The following FSHR variants were observed in gnomAD, a reference collection of about 807,000 sequenced individuals.
FSHR encodes the protein follicle-stimulating hormone receptor.
A neutral mutation model predicts 52.1 loss-of-function variants in FSHR; 46 were observed. The ratio of observed to expected loss-of-function variants is 0.88; its 90% confidence interval spans 0.70 to 1.13. The LOEUF (loss-of-function observed/expected upper bound fraction) is 1.13. Ranked by LOEUF, FSHR falls within the 50% of genes most tolerant of loss-of-function variation. The pLI is 0.00. For synonymous variants in FSHR, 399 were observed against 309.6 expected (o/e 1.29, Z -3.03); for missense variants, 964 against 834.6 (o/e 1.16, Z -1.91).
At chr2:49,082,238 T>A (rs1033809235) in intron 1 of FSHR, among the ~76,000 whole-genome samples, 4 of 152,196 alleles carry the variant, frequency 2.6e-5, no homozygotes, top group African/African-American at 9.7e-5. Context: ...AGGGGCAGAC[T>A]GACACCTCAC....
chr2:49,081,393 G>T (rs1572717406), intron 1 of FSHR, among the ~76,000 whole-genome samples: 1 of 151,858 alleles, frequency 6.6e-6, no homozygotes, highest in Non-Finnish European at 1.5e-5. Flanking sequence ...GTTAAGATTT[G>T]GCAAAGCTAA....
intron 1 of FSHR, among the ~76,000 whole-genome samples, chr2:49,115,382 G>C (rs1051306585): frequency 9.2e-5 from 14 of 152,092 alleles, no homozygotes; most frequent in African/African-American, 3.4e-4. Context: ...CTATGGAGCA[G>C]ACACTATTCT....
At chr2:48,985,064 C>T (rs1213576407) in intron 6 of FSHR, among the ~76,000 whole-genome samples, 1 of 152,068 alleles carries the variant, frequency 6.6e-6, no homozygotes, top group Admixed American at 6.6e-5. Flanking sequence ...ATTACACGCA[C>T]CCCTGGTCTC....
intron 2 of FSHR, among the ~76,000 whole-genome samples, chr2:49,033,651 C>G (rs1489015912): frequency 2.0e-5 from 3 of 152,078 alleles, no homozygotes; most frequent in Non-Finnish European, 4.4e-5. Flanking sequence ...GCATGGCGAG[C>G]CTTTCACCCT....
At chr2:49,092,231 T>C (rs1346983225) in intron 1 of FSHR, among the ~76,000 whole-genome samples, 1 of 152,226 alleles carries the variant, frequency 6.6e-6, no homozygotes, top group African/African-American at 2.4e-5. Flanking sequence ...CCTATGAATT[T>C]GTTAAACTCA....
At chr2:49,096,648 C>G (rs899245377) in intron 1 of FSHR, among the ~76,000 whole-genome samples, 1 of 152,160 alleles carries the variant, frequency 6.6e-6, no homozygotes, top group African/African-American at 2.4e-5. Flanking sequence ...ACTGCTAATA[C>G]TAAAATGTTC....
At chr2:48,997,805 T>C (rs1676090021) in intron 4 of FSHR, among the ~76,000 whole-genome samples, 1 of 152,106 alleles carries the variant, frequency 6.6e-6, no homozygotes, top group Admixed American at 6.6e-5. Context: ...TCAAATGCTG[T>C]TTCCTTGCCT....
At chr2:49,122,920 A>T (rs1671868680) in intron 1 of FSHR, among the ~76,000 whole-genome samples, 2 of 152,186 alleles carry the variant, frequency 1.3e-5, no homozygotes, top group Admixed American at 6.5e-5. Flanking sequence ...ATGGTTATGA[A>T]GATATACTGG....
Position 48,963,357 on chromosome 2 carries a change from A to C in FSHR, c.1464T>G (p.Ser488Arg). 6.2e-7 allele frequency: 1 copy of C among 1,614,042 alleles called. No homozygotes were observed. Among genetic ancestry groups the C allele is most frequent in the Non-Finnish European group, 8.5e-7 (1 of 1,179,974 alleles). The change falls in exon 10 of 10, where the codon AGT (serine) becomes AGG (arginine). Residue 488 changes from serine to arginine, a missense_variant. By Grantham distance (110) the Ser-to-Arg change is moderately radical. Coordinates refer to ENST00000406846, the MANE Select transcript of FSHR (RefSeq NM_000145.4). ...DCKVQLRHAA[S>R]VMVMGWIFAF... The stretch of plus-strand genomic sequence containing the variant: ...CAAAAATCCAGCCCATCACCATGAC[A>C]CTGGCAGCATGGCGGAGCTGCACCT...
chr2:48,975,217 C>T (rs1674933139), intron 8 of FSHR, among the ~76,000 whole-genome samples: 1 of 152,082 alleles, frequency 6.6e-6, no homozygotes, highest in Middle Eastern at 3.2e-3. Context: ...GCTGGGTACC[C>T]CTTCTTCTCC....
At chr2:48,989,768 G>C (rs938618356) in intron 5 of FSHR, among the ~76,000 whole-genome samples, 2 of 151,884 alleles carry the variant, frequency 1.3e-5, no homozygotes, top group Admixed American at 6.6e-5. Context: ...CTTTATCATT[G>C]ATTTTTCTTT....
At chr2:49,136,457 A>T (rs1157316048) in intron 1 of FSHR, among the ~76,000 whole-genome samples, 3 of 152,142 alleles carry the variant, frequency 2.0e-5, no homozygotes, top group African/African-American at 7.2e-5. Flanking sequence ...ATAAATACCA[A>T]TTATTCACAA....
At chr2:49,026,598 A>T (rs989333338) in intron 2 of FSHR, among the ~76,000 whole-genome samples, 1 of 152,204 alleles carries the variant, frequency 6.6e-6, no homozygotes, top group Non-Finnish European at 1.5e-5. Flanking sequence ...AGCATATAAG[A>T]TGGTAAATAT....
At chr2:49,005,330 A>G (rs1667041526) in intron 4 of FSHR, among the ~76,000 whole-genome samples, 1 of 152,148 alleles carries the variant, frequency 6.6e-6, no homozygotes. Context: ...AAAGCTGGCC[A>G]CATTTTCCTA....
intron 2 of FSHR, among the ~76,000 whole-genome samples, chr2:49,024,876 A>G (rs897066067): frequency 6.6e-6 from 1 of 152,158 alleles, no homozygotes; most frequent in Non-Finnish European, 1.5e-5. Context: ...CTGAGTCCCC[A>G]GTGGTTGAGG....
In FSHR at chr2:48,962,797, G is replaced by C. The variant is rs745885725; in HGVS notation, c.2024C>G (p.Ala675Gly). 3.1e-6 allele frequency: 5 copies of C among 1,614,124 alleles called. No individual in the cohort carries two copies. The South Asian group carries it at 5.5e-5, about 18-fold the overall frequency. ...THPRNGHCSS[A>G]PRVTSGSTYI... ...AGTGGAACCACTGGTGACTCTGGGA[G>C]CTGAAGAGCAGTGGCCATTCCTTGG... is the stretch of plus-strand genomic sequence containing the variant. The change falls in exon 10 of 10, where the codon GCT becomes GGT. Residue 675 changes from alanine (A) to glycine (G), a missense_variant. By Grantham distance (60) the Ala-to-Gly change is moderately conservative (BLOSUM62 0). Transcript: ENST00000406846.
chr2:49,005,035 C>G (rs886754108), intron 4 of FSHR, among the ~76,000 whole-genome samples: 1 of 151,948 alleles, frequency 6.6e-6, no homozygotes, highest in African/African-American at 2.4e-5. Context: ...TTAGCATTAC[C>G]TTTTTCAGGT....
intron 3 of FSHR, 124 bp downstream of exon 3, chr2:49,019,962 A>G (rs1352161301): frequency 1.5e-5 from 13 of 879,356 alleles, no homozygotes; most frequent in Non-Finnish European, 2.3e-5. Flanking sequence ...TGATTTTGAC[A>G]TCTTATAATG....
rs142113241 is a variant in FSHR, at chr2:48,969,904, C to G, written c.669-1021G>C. Among the ~76,000 whole-genome samples, 480 of 152,314 alleles carry G rather than the reference C, an allele frequency of 3.2e-3. 6 individuals carry two copies. Among genetic ancestry groups the G allele is most frequent in the African/African-American group, 0.011 (466 of 41,578 alleles). On this transcript the variant is annotated intron_variant, in intron 8 of 9. Transcript: ENST00000406846. The stretch of plus-strand genomic sequence containing the variant: ...TGAGAACAAGGAGATTTAAATGGCA[C>G]CAGCTTGGACCTGGTGGGGCCAACA...
Sources: gnomAD v4.1 joint callset for allele counts (sites outside exome capture counted in the v4.1 genomes callset) on GRCh38, gnomAD v4.1.1 for gene constraint, MANE v1.5 for transcripts, NCBI Gene and HGNC (gene_info 2026-07-23, HGNC 2026-07-21) for gene names.